The following GSG1L variants were observed in gnomAD, a reference collection of about 807,000 sequenced individuals.
The protein encoded by GSG1L is GSG1 like.
In GSG1L, 24 loss-of-function variants were observed where a neutral mutation model predicts 42.1. The ratio of observed to expected loss-of-function variants is 0.57; its 90% CI spans 0.41 to 0.80. The LOEUF (loss-of-function observed/expected upper bound fraction) is 0.80, where lower values mean the gene tolerates loss of function less well. GSG1L is among the 30% of genes least tolerant of loss of function. The probability of loss-of-function intolerance (pLI) is 0.00; values close to 1 mark genes in which losing one functional copy is unlikely to be tolerated. For synonymous variants in GSG1L, 215 were observed against 203.5 expected (o/e 1.06, Z -0.48); for missense variants, 445 against 472.2 (o/e 0.94, Z 0.53).
intron 6 of GSG1L, among the ~76,000 whole-genome samples, chr16:27,804,973 G>A (rs1597461739): frequency 1.7e-4 from 1 of 5,874 alleles, no homozygotes; most frequent in South Asian, 3.4e-3. Context: ...TGGAGGTTGG[G>A]ATTGGGTGCC....
At chr16:28,037,820 G>A (rs117589641) in intron 1 of GSG1L, among the ~76,000 whole-genome samples, 150 of 152,218 alleles carry the variant, frequency 9.9e-4, no homozygotes, top group Non-Finnish European at 1.6e-3. Flanking sequence ...TGAGTATCAC[G>A]AGGTACATTT....
intron 1 of GSG1L, among the ~76,000 whole-genome samples, chr16:27,969,002 A>G (rs988986837): frequency 1.8e-4 from 28 of 152,034 alleles, no homozygotes; most frequent in Non-Finnish European, 2.4e-4. Context: ...CCAGCTACTC[A>G]GGAGGCTGAG....
intron 1 of GSG1L, among the ~76,000 whole-genome samples, chr16:28,034,077 T>TCCATCCTGTCCCAAC (rs2085999524): frequency 1.3e-5 from 2 of 150,668 alleles, no homozygotes; most frequent in African/African-American, 2.4e-5. Flanking sequence ...CCCAACCTAT[T>TCCATCCTGTCCCAAC]CCATCCTGTC....
chr16:28,005,217 G>A lies in GSG1L; in HGVS notation c.350-42014C>T, dbSNP rs542108349. Among the ~76,000 whole-genome samples, 30 of 152,230 alleles carry A rather than the reference G, an allele frequency of 2.0e-4. No individual in the cohort carries two copies. The East Asian group carries it at 4.1e-3, about 21-fold the overall frequency. ...CAACCTCCACCTCCTGGGTTCAAGCGATTCTCCTGCCTCAGCCTCCCAAGT... is the reference window on the plus strand; with the variant it reads ...CAACCTCCACCTCCTGGGTTCAAGCAATTCTCCTGCCTCAGCCTCCCAAGT... On this transcript the variant is annotated intron_variant, in intron 1 of 6. Transcript: ENST00000447459.
chr16:27,955,108 A>C (rs7199297), intron 2 of GSG1L, among the ~76,000 whole-genome samples: 70,314 of 152,014 alleles, frequency 0.46, 16,555 homozygotes, highest in Middle Eastern at 0.52. Flanking sequence ...TTTAAGGAAA[A>C]CAATATAAAA....
intron 2 of GSG1L, chr16:27,887,968 G>T: frequency 4.7e-6 from 2 of 425,220 alleles, no homozygotes; most frequent in Non-Finnish European, 6.3e-6. Context: ...CCACCAGGCA[G>T]CGGGGAGCAA....
chr16:27,892,725 G>A (rs181941595), intron 2 of GSG1L, among the ~76,000 whole-genome samples: 193 of 150,724 alleles, frequency 1.3e-3, no homozygotes, highest in African/African-American at 4.4e-3. Flanking sequence ...GGGAGGTGGA[G>A]GTTGCAGTGA....
At chr16:28,013,080 C>T (rs2085741428) in intron 1 of GSG1L, among the ~76,000 whole-genome samples, 1 of 151,224 alleles carries the variant, frequency 6.6e-6, no homozygotes, top group Non-Finnish European at 1.5e-5. Flanking sequence ...AAAAATTAGC[C>T]GTGCATGGTG....
intron 2 of GSG1L, among the ~76,000 whole-genome samples, chr16:27,902,343 A>C (rs1239015864): frequency 6.6e-6 from 1 of 152,200 alleles, no homozygotes; most frequent in Non-Finnish European, 1.5e-5. Context: ...GTCAAGGGAA[A>C]TGAAGACTGA....
intron 2 of GSG1L, among the ~76,000 whole-genome samples, chr16:27,941,051 T>G (rs1292238143): frequency 6.6e-6 from 1 of 151,922 alleles, no homozygotes; most frequent in Admixed American, 6.6e-5. Flanking sequence ...AATAAAACTC[T>G]TAGTAGAAAA....
intron 3 of GSG1L, among the ~76,000 whole-genome samples, chr16:27,883,286 A>T (rs1359812371): frequency 1.3e-5 from 2 of 151,938 alleles, no homozygotes; most frequent in Non-Finnish European, 2.9e-5. Flanking sequence ...AAGAATAAAC[A>T]AGCTCTCCGT....
At chr16:27,888,454 TTCTTTCTTTCTCTCTCTCTCTCTCTTTC>T (rs2084063855) in intron 2 of GSG1L, among the ~76,000 whole-genome samples, 1 of 40,796 alleles carries the variant, frequency 2.5e-5, no homozygotes, top group Non-Finnish European at 5.9e-5. Context: ...CTTTCTTTCT[TTCTTTCTTTCTCTCTCTCTCTCTCTTTC>T]CTTTCTTTCT....
At position 27,922,837 on chromosome 16, in the gene GSG1L, G is replaced by A. The variant is rs373488226; in HGVS notation, c.398-38199C>T. Among the ~76,000 whole-genome samples the A allele has an allele frequency of 3.1e-4, 47 of 152,274 alleles. No individual in the cohort carries two copies. In the East Asian group the frequency reaches 3.7e-3, roughly 12 times the overall value. On this transcript the variant is annotated intron_variant, in intron 2 of 6. Coordinates refer to ENST00000447459, the MANE Select transcript of GSG1L (RefSeq NM_001109763.2). ...CTCCCTCTGTTGCCCGGGCTGTGGT[G>A]CAGTGGTGCAATCATAGCTCACTGC...
Position 27,791,284 on chromosome 16 carries a change from G to T in GSG1L, c.*86C>A. The T allele has an allele frequency of 1.1e-6, 1 of 900,404 alleles. No homozygotes were observed. Among genetic ancestry groups the T allele is most frequent in the Non-Finnish European group, 1.6e-6 (1 of 628,886 alleles). 55.8% of individuals were successfully genotyped at this position (900,404 alleles called of 1,614,324 possible). A position where few individuals can be genotyped will look rare whatever the true frequency, so the allele number is the denominator to read the frequency against. On this transcript the variant is annotated 3_prime_UTR_variant, in exon 7 of 7. Transcript: ENST00000447459. ...CTGAGTTCACGGCACACAGGCCAGG[G>T]TTCTGGGGGCACCACTCTGGTGGTC...
chr16:28,050,832 A>G (rs964472228), intron 1 of GSG1L, among the ~76,000 whole-genome samples: 10 of 152,276 alleles, frequency 6.6e-5, no homozygotes, highest in African/African-American at 2.4e-4. Context: ...ACCATCACCA[A>G]TGTATCTGTT....
intron 1 of GSG1L, among the ~76,000 whole-genome samples, chr16:28,055,585 C>T (rs746664522): frequency 1.2e-4 from 19 of 152,114 alleles, no homozygotes; most frequent in Non-Finnish European, 2.4e-4. Context: ...AATTCTCCTG[C>T]CTCAGCCTCC....
At chr16:27,936,842 C>T (rs544948260) in intron 2 of GSG1L, among the ~76,000 whole-genome samples, 2 of 152,314 alleles carry the variant, frequency 1.3e-5, no homozygotes, top group East Asian at 1.9e-4. Context: ...TTGCAAGGGC[C>T]ACTCCCCGCC....
At chr16:28,032,322 CA>C (rs112215283) in intron 1 of GSG1L, among the ~76,000 whole-genome samples, 8,459 of 152,264 alleles carry the variant, frequency 0.056, 794 homozygotes, top group African/African-American at 0.19. Flanking sequence ...AATTTCTTTC[CA>C]TTCACTACAG....
rs143646146 is a variant in GSG1L at position 28,031,779 on chromosome 16, T to C, written c.349+31297A>G. On this transcript the variant is annotated intron_variant, in intron 1 of 6. Coordinates refer to ENST00000447459, the MANE Select transcript of GSG1L (RefSeq NM_001109763.2). ...AGCTACATTAGTTAATGCCGCCTTATATAAAAGTTAACATAAATACAAGAT... is the reference window on the plus strand; with the variant it reads ...AGCTACATTAGTTAATGCCGCCTTACATAAAAGTTAACATAAATACAAGAT... 4.4e-4 allele frequency among the ~76,000 whole-genome samples: 67 copies of C among 152,332 alleles called. No homozygotes were observed. The East Asian group carries it at 6.9e-3, about 16-fold the overall frequency.
Sources: allele counts gnomAD v4.1 joint callset (sites outside exome capture counted in the v4.1 genomes callset), GRCh38; gene constraint gnomAD v4.1.1; transcripts MANE v1.5; gene names NCBI Gene and HGNC (gene_info 2026-07-23, HGNC 2026-07-21).